The following PDE1A variants were observed in gnomAD, a reference collection of about 807,000 sequenced individuals.
PDE1A encodes dual specificity calcium/calmodulin-dependent 3',5'-cyclic nucleotide phosphodiesterase 1A.
In PDE1A, 35 loss-of-function variants were observed where a neutral mutation model predicts 61.7. The observed-to-expected ratio is 0.57, with a 90% confidence interval of 0.43 to 0.75. The LOEUF is 0.75. Among genes scored for constraint, PDE1A ranks in the 30% least tolerant of loss-of-function variants. The pLI, the probability that PDE1A is intolerant of heterozygous loss-of-function variation, is 0.00. For missense variants in PDE1A, 597 were observed against 630.6 expected, an observed-to-expected ratio of 0.95 and a Z score of 0.57; for synonymous variants, 232 against 213.2, an observed-to-expected ratio of 1.09 and a Z score of -0.77.
the PDE1A span, among the ~76,000 whole-genome samples, chr2:182,702,611 T>C: frequency 6.6e-6 from 1 of 152,228 alleles, no homozygotes; most frequent in Non-Finnish European, 1.5e-5. Flanking sequence ...CACATTGTCT[T>C]ATTTTTCATA....
intron 1 of PDE1A, among the ~76,000 whole-genome samples, chr2:182,327,169 C>G (rs1472366755): frequency 2.0e-5 from 3 of 151,606 alleles, no homozygotes; most frequent in Non-Finnish European, 4.4e-5. Context: ...AGAAAAGAGG[C>G]AAATGAGTAA....
intron 2 of PDE1A, among the ~76,000 whole-genome samples, chr2:182,517,605 C>T (rs766144133): frequency 2.2e-4 from 34 of 152,168 alleles, no homozygotes; most frequent in Non-Finnish European, 3.8e-4. Flanking sequence ...GATTTTGTTA[C>T]GAGAAGAGAA....
chr2:182,239,521 G>A (rs748559091), intron 3 of PDE1A, among the ~76,000 whole-genome samples: 1 of 151,958 alleles, frequency 6.6e-6, no homozygotes, highest in African/African-American at 2.4e-5. Flanking sequence ...GGTCATATTA[G>A]CATGTGTTTC....
At chr2:182,188,816 A>G (rs912395720) in intron 11 of PDE1A, among the ~76,000 whole-genome samples, 163 bp downstream of exon 11, 4 of 152,220 alleles carry the variant, frequency 2.6e-5, no homozygotes, top group African/African-American at 7.2e-5. Context: ...AAATGCTTCA[A>G]TAAGTCTTAT....
chr2:182,262,160 TTCTC>T (rs1692263514), intron 2 of PDE1A, among the ~76,000 whole-genome samples: 2 of 152,036 alleles, frequency 1.3e-5, no homozygotes, highest in Admixed American at 6.6e-5. Context: ...CTTTCTTTCT[TTCTC>T]TTCTTTCTTT....
intron 2 of PDE1A, among the ~76,000 whole-genome samples, chr2:182,247,074 A>C (rs2125714270): frequency 6.6e-6 from 1 of 152,342 alleles, no homozygotes; most frequent in Admixed American, 6.5e-5. Flanking sequence ...TTATGCAGCA[A>C]CAACATCTTG....
intron 1 of PDE1A, among the ~76,000 whole-genome samples, chr2:182,373,391 T>C (rs559949185): frequency 6.6e-6 from 1 of 152,306 alleles, no homozygotes; most frequent in African/African-American, 2.4e-5. Context: ...CAGTGTAAAT[T>C]ACTTCTTCGA....
intron 4 of PDE1A, among the ~76,000 whole-genome samples, chr2:182,233,978 A>G (rs1366183185): frequency 6.6e-6 from 1 of 152,138 alleles, no homozygotes; most frequent in Non-Finnish European, 1.5e-5. Context: ...TTTATCTTAC[A>G]TTTTGTATTT....
chr2:182,195,208 G>C (rs1303762868), intron 10 of PDE1A, among the ~76,000 whole-genome samples: 4 of 152,114 alleles, frequency 2.6e-5, no homozygotes, highest in Non-Finnish European at 5.9e-5. Context: ...ATAAGCAATG[G>C]TGTAGTATAC....
chr2:182,464,406 G>A (rs1273265325), intron 2 of PDE1A, among the ~76,000 whole-genome samples: 1 of 152,022 alleles, frequency 6.6e-6, no homozygotes, highest in Non-Finnish European at 1.5e-5. Context: ...GTCAATACAT[G>A]AGAAACTAGT....
At chr2:182,326,325 T>C (rs1028793250) in intron 1 of PDE1A, among the ~76,000 whole-genome samples, 3 of 152,180 alleles carry the variant, frequency 2.0e-5, no homozygotes, top group African/African-American at 7.2e-5. Flanking sequence ...AAATGTCCAT[T>C]GATGAATTTG....
the PDE1A span, among the ~76,000 whole-genome samples, chr2:182,691,878 C>T: frequency 6.6e-6 from 1 of 151,804 alleles, no homozygotes; most frequent in African/African-American, 2.4e-5. Context: ...TATGAACAGA[C>T]ACTTCTCAAA....
chr2:182,563,612 G>C, the PDE1A span, among the ~76,000 whole-genome samples: 1 of 152,220 alleles, frequency 6.6e-6, no homozygotes, highest in African/African-American at 2.4e-5. Flanking sequence ...GGGTATCCTT[G>C]TTAACTTTCT....
the PDE1A span, among the ~76,000 whole-genome samples, chr2:182,689,537 A>G: frequency 1.3e-5 from 2 of 152,226 alleles, no homozygotes; most frequent in Admixed American, 6.5e-5. Flanking sequence ...CAGTGTGTAG[A>G]GGGAAATTTA....
chr2:182,150,800 C>A (rs1690737666), intron 13 of PDE1A, among the ~76,000 whole-genome samples: 1 of 152,080 alleles, frequency 6.6e-6, no homozygotes, highest in African/African-American at 2.4e-5. Flanking sequence ...TTTTAGATTG[C>A]AATTTAAGCT....
At chr2:182,535,442 T>C in the PDE1A span, among the ~76,000 whole-genome samples, 1 of 152,112 alleles carries the variant, frequency 6.6e-6, no homozygotes, top group Admixed American at 6.6e-5. Context: ...TTATATTGTA[T>C]GGCTATTATG....
chr2:182,516,468 T>C (rs1035925139), intron 2 of PDE1A, among the ~76,000 whole-genome samples: 1 of 151,868 alleles, frequency 6.6e-6, no homozygotes, highest in Admixed American at 6.6e-5. Flanking sequence ...CTGAGCAACA[T>C]GGCAAAAACC....
chr2:182,230,961 C>T (rs1415509125), intron 5 of PDE1A, 54 bp downstream of exon 5: 1 of 848,704 alleles, frequency 1.2e-6, no homozygotes, highest in Non-Finnish European at 1.9e-6. Context: ...CATTTTCATT[C>T]TTACTCAAAT....
chr2:182,346,954 C>G (rs1559361164), intron 1 of PDE1A, among the ~76,000 whole-genome samples: 1 of 152,174 alleles, frequency 6.6e-6, no homozygotes, highest in African/African-American at 2.4e-5. Flanking sequence ...CATAGAAGCA[C>G]TTTTCTTTCA....
Sources: allele counts gnomAD v4.1 joint callset (sites outside exome capture counted in the v4.1 genomes callset), GRCh38; gene constraint gnomAD v4.1.1; transcripts MANE v1.5; gene names NCBI Gene and HGNC (gene_info 2026-07-23, HGNC 2026-07-21).